Variants in AGBL4 observed in about 807,000 individuals in gnomAD.
The protein encoded by AGBL4 is AGBL carboxypeptidase 4, also known as cytosolic carboxypeptidase 6.
A neutral mutation model predicts 66.4 loss-of-function variants in AGBL4; 58 were observed. That is an observed-to-expected ratio of 0.87 (90% CI 0.71 to 1.09). AGBL4 has a LOEUF of 1.09. Ranked by LOEUF, AGBL4 falls within the 50% of genes least tolerant of loss-of-function variation. The probability of loss-of-function intolerance (pLI) is 0.00; values close to 1 mark genes in which losing one functional copy is unlikely to be tolerated. For synonymous variants in AGBL4, 234 were observed against 222.9 expected (o/e 1.05, Z -0.44); for missense variants, 579 against 631.0 (o/e 0.92, Z 0.88).
intron 1 of AGBL4, among the ~76,000 whole-genome samples, chr1:49,943,522 C>A (rs1274597301): frequency 1.3e-5 from 2 of 152,022 alleles, no homozygotes; most frequent in African/African-American, 4.8e-5. Flanking sequence ...GACTGGGGAA[C>A]CTGAAGGTCT....
chr1:49,642,178 G>C (rs1454187833), intron 3 of AGBL4, among the ~76,000 whole-genome samples: 3 of 151,966 alleles, frequency 2.0e-5, no homozygotes, highest in Non-Finnish European at 2.9e-5. Flanking sequence ...AAATTCAAGA[G>C]TGAGGAAGAC....
intron 6 of AGBL4, among the ~76,000 whole-genome samples, chr1:48,830,318 G>A (rs529576595): frequency 6.6e-6 from 1 of 152,278 alleles, no homozygotes; most frequent in South Asian, 2.1e-4. Context: ...CTGTGAAATA[G>A]GCATTGCAAC....
intron 3 of AGBL4, among the ~76,000 whole-genome samples, chr1:49,317,594 AAT>A (rs1645062846): frequency 6.6e-6 from 1 of 151,886 alleles, no homozygotes; most frequent in Non-Finnish European, 1.5e-5. Flanking sequence ...ACAATGAAAC[AAT>A]CACTAGAGCC....
At chr1:48,917,066 A>T (rs557778781) in intron 5 of AGBL4, among the ~76,000 whole-genome samples, 2 of 152,242 alleles carry the variant, frequency 1.3e-5, no homozygotes, top group South Asian at 4.1e-4. Flanking sequence ...GAGGGATATT[A>T]GTCATTTTGG....
rs755740075 is a variant in AGBL4 at position 49,313,207 on chromosome 1, TC to T, written c.283-67344del. ...TGTCCCTGCAAAGGACAAAAACTCA[TC>T]CCTTTTTATGGCTGCATAGTATTCC... On this transcript the variant is annotated intron_variant, in intron 3 of 13. Transcript: ENST00000371839. Among the ~76,000 whole-genome samples the T allele has an allele frequency of 1.1e-3, 175 of 152,240 alleles. 1 individual carries two copies. Among genetic ancestry groups the T allele is most frequent in the Non-Finnish European group, 1.0e-3 (71 of 68,018 alleles).
At chr1:49,613,624 T>C (rs1260534236) in intron 3 of AGBL4, among the ~76,000 whole-genome samples, 2 of 152,214 alleles carry the variant, frequency 1.3e-5, no homozygotes, top group East Asian at 1.9e-4. Flanking sequence ...GAGAATCTAA[T>C]GCCTTATGAG....
intron 1 of AGBL4, among the ~76,000 whole-genome samples, chr1:49,940,436 G>A (rs1355829717): frequency 2.6e-5 from 4 of 152,196 alleles, no homozygotes; most frequent in Middle Eastern, 3.4e-3. Context: ...CAATAGCAAA[G>A]ACTTGGAACC....
chr1:49,759,231 A>G (rs577344933), intron 2 of AGBL4, among the ~76,000 whole-genome samples: 11 of 152,252 alleles, frequency 7.2e-5, no homozygotes, highest in Non-Finnish European at 1.5e-4. Context: ...CAGACTAAAT[A>G]CACTCTGATA....
chr1:49,052,307 A>G (rs1644232628), intron 4 of AGBL4, among the ~76,000 whole-genome samples: 1 of 152,130 alleles, frequency 6.6e-6, no homozygotes, highest in Non-Finnish European at 1.5e-5. Context: ...GCAGACAGAA[A>G]CTCCAGGGAC....
intron 5 of AGBL4, among the ~76,000 whole-genome samples, chr1:48,893,119 T>C (rs920323700): frequency 2.6e-5 from 4 of 152,116 alleles, no homozygotes; most frequent in Non-Finnish European, 5.9e-5. Context: ...AAACACATAC[T>C]TGCCTGACAG....
At chr1:49,904,018 A>G (rs1650025161) in intron 1 of AGBL4, among the ~76,000 whole-genome samples, 1 of 152,170 alleles carries the variant, frequency 6.6e-6, no homozygotes, top group Non-Finnish European at 1.5e-5. Flanking sequence ...TTTATTCATT[A>G]AGGAAATATG....
At chr1:48,669,094 A>T (rs1256138203) in intron 6 of AGBL4, among the ~76,000 whole-genome samples, 1 of 152,182 alleles carries the variant, frequency 6.6e-6, no homozygotes, top group African/African-American at 2.4e-5. Flanking sequence ...ATGAAAAGTC[A>T]GCTGACTTCC....
downstream of AGBL4, among the ~76,000 whole-genome samples, chr1:48,532,351 G>A (rs1350712181): frequency 1.3e-5 from 2 of 152,206 alleles, no homozygotes; most frequent in Non-Finnish European, 2.9e-5. Flanking sequence ...AGATCACACA[G>A]TTTTATTAAA....
chr1:48,912,268 C>T (rs1239138186), intron 5 of AGBL4, among the ~76,000 whole-genome samples: 1 of 152,170 alleles, frequency 6.6e-6, no homozygotes, highest in African/African-American at 2.4e-5. Context: ...GCTAGGGAAT[C>T]CAGGAGTGGC....
intron 12 of AGBL4, among the ~76,000 whole-genome samples, chr1:48,539,290 A>G (rs1362143534): frequency 6.6e-6 from 1 of 152,184 alleles, no homozygotes; most frequent in Non-Finnish European, 1.5e-5. Flanking sequence ...AGGATCAGAG[A>G]AGTTCATATA....
At chr1:49,628,476 C>T (rs76728823) in intron 3 of AGBL4, among the ~76,000 whole-genome samples, 3,804 of 152,258 alleles carry the variant, frequency 0.025, 68 homozygotes, top group Non-Finnish European at 0.036. Flanking sequence ...AAAGATGCAG[C>T]TATTTGTCTT....
At chr1:49,129,921 G>A (rs1046674587) in intron 4 of AGBL4, among the ~76,000 whole-genome samples, 11 of 152,156 alleles carry the variant, frequency 7.2e-5, no homozygotes, top group South Asian at 2.1e-4. Flanking sequence ...CTAGTTTACC[G>A]TGCCACCAAC....
intron 3 of AGBL4, among the ~76,000 whole-genome samples, chr1:49,504,820 A>C (rs1648527624): frequency 6.6e-6 from 1 of 151,930 alleles, no homozygotes; most frequent in South Asian, 2.1e-4. Context: ...TTTTGATTGG[A>C]GAATCTAATC....
At chr1:49,981,266 T>G (rs1659033353) in intron 1 of AGBL4, among the ~76,000 whole-genome samples, 1 of 152,148 alleles carries the variant, frequency 6.6e-6, no homozygotes, top group Non-Finnish European at 1.5e-5. Context: ...ACCTGGAAAA[T>G]GTAGACAATG....
Sources: gnomAD v4.1 joint callset for allele counts (sites outside exome capture counted in the v4.1 genomes callset) on GRCh38, gnomAD v4.1.1 for gene constraint, MANE v1.5 for transcripts, NCBI Gene and HGNC (gene_info 2026-07-23, HGNC 2026-07-21) for gene names.